Variants in RALYL observed in about 807,000 individuals in gnomAD.
RALYL encodes the protein RALY RNA binding protein like.
Under a neutral mutation model 35.1 loss-of-function variants are expected in RALYL, and 29 were observed. The observed-to-expected ratio is 0.83, with a 90% CI of 0.61 to 1.13. The LOEUF (loss-of-function observed/expected upper bound fraction) is 1.13, where lower values mean the gene tolerates loss of function less well. Ranked by LOEUF, RALYL falls within the 50% of genes most tolerant of loss-of-function variation. The probability of loss-of-function intolerance (pLI) is 0.00; values close to 1 mark genes in which losing one functional copy is unlikely to be tolerated. For synonymous variants in RALYL, 120 were observed against 127.6 expected (o/e 0.94, Z 0.40); for missense variants, 359 against 360.4 (o/e 1.00, Z 0.03).
intron 1 of RALYL, among the ~76,000 whole-genome samples, chr8:84,494,937 G>A (rs551716956): frequency 1.3e-5 from 2 of 152,202 alleles, no homozygotes; most frequent in Non-Finnish European, 2.9e-5. Flanking sequence ...ATACTATGTT[G>A]AATAGGAGTG....
intron 2 of RALYL, among the ~76,000 whole-genome samples, chr8:84,750,573 A>G (rs1369944685): frequency 6.6e-6 from 1 of 152,188 alleles, no homozygotes; most frequent in Admixed American, 6.5e-5. Flanking sequence ...ATTTGCCAGT[A>G]CTGAGAGATG....
intron 2 of RALYL, among the ~76,000 whole-genome samples, chr8:84,592,277 T>C (rs1441047336): frequency 1.3e-5 from 2 of 152,124 alleles, no homozygotes; most frequent in African/African-American, 4.8e-5. Flanking sequence ...CAGAAATATA[T>C]ACCAGGACAG....
intron 2 of RALYL, among the ~76,000 whole-genome samples, chr8:84,542,747 A>G (rs1001434142): frequency 1.3e-5 from 2 of 152,194 alleles, no homozygotes; most frequent in South Asian, 2.1e-4. Flanking sequence ...TCATAGCAGC[A>G]TGAGAATGGA....
intron 5 of RALYL, among the ~76,000 whole-genome samples, chr8:84,854,036 A>T (rs1446520503): frequency 6.6e-6 from 1 of 152,204 alleles, no homozygotes; most frequent in Non-Finnish European, 1.5e-5. Context: ...GCTAGTATTA[A>T]CAGTTAACAG....
intron 2 of RALYL, among the ~76,000 whole-genome samples, chr8:84,739,754 A>G (rs1847946613): frequency 6.6e-6 from 1 of 151,940 alleles, no homozygotes; most frequent in African/African-American, 2.4e-5. Context: ...ATAATGAAAG[A>G]TGAATTTTGA....
chr8:84,464,638 T>A (rs941988619), intron 1 of RALYL, among the ~76,000 whole-genome samples: 1 of 151,788 alleles, frequency 6.6e-6, no homozygotes, highest in African/African-American at 2.4e-5. Context: ...TGATTTATAG[T>A]CCTTTGGGTA....
At chr8:84,389,502 A>C (rs922384583) in intron 1 of RALYL, among the ~76,000 whole-genome samples, 3 of 150,818 alleles carry the variant, frequency 2.0e-5, no homozygotes, top group Admixed American at 6.6e-5. Flanking sequence ...ATTTGTTTGT[A>C]TCCTCTTTTA....
intron 2 of RALYL, among the ~76,000 whole-genome samples, chr8:84,606,352 G>A (rs1014666643): frequency 1.3e-5 from 2 of 152,058 alleles, no homozygotes; most frequent in African/African-American, 4.8e-5. Context: ...AACATGCTTT[G>A]GTCACTACTG....
At chr8:84,576,642 A>C (rs1809503916) in intron 2 of RALYL, among the ~76,000 whole-genome samples, 1 of 152,218 alleles carries the variant, frequency 6.6e-6, no homozygotes. Flanking sequence ...CTTATCCATA[A>C]GGTAATGAAA....
chr8:84,438,888 G>C (rs761671019), intron 1 of RALYL, among the ~76,000 whole-genome samples: 5 of 151,932 alleles, frequency 3.3e-5, no homozygotes, highest in African/African-American at 7.2e-5. Flanking sequence ...AGATCAGATG[G>C]CTGTAGGTGT....
chr8:84,648,397 T>C (rs1378966108), intron 2 of RALYL, among the ~76,000 whole-genome samples: 1 of 152,052 alleles, frequency 6.6e-6, no homozygotes, highest in African/African-American at 2.4e-5. Flanking sequence ...CAGTACTAAT[T>C]TGCATGTGGT....
chr8:84,217,489 A>G (rs967084666), intron 1 of RALYL, among the ~76,000 whole-genome samples: 5 of 152,110 alleles, frequency 3.3e-5, no homozygotes, highest in African/African-American at 1.2e-4. Flanking sequence ...GAAGAGGATG[A>G]CAAGTTGTGC....
intron 1 of RALYL, among the ~76,000 whole-genome samples, chr8:84,440,043 ATAT>A (rs1339321990): frequency 6.6e-6 from 1 of 152,098 alleles, no homozygotes; most frequent in Non-Finnish European, 1.5e-5. Context: ...TAATATCTCC[ATAT>A]TATTTTACAT....
intron 1 of RALYL, among the ~76,000 whole-genome samples, chr8:84,393,149 G>T (rs1861074729): frequency 6.6e-6 from 1 of 152,056 alleles, no homozygotes; most frequent in African/African-American, 2.4e-5. Flanking sequence ...TGCTTAGTTG[G>T]TATCTCTGTC....
chr8:84,463,359 A>G (rs1279318445), intron 1 of RALYL, among the ~76,000 whole-genome samples: 1 of 152,072 alleles, frequency 6.6e-6, no homozygotes, highest in Non-Finnish European at 1.5e-5. Context: ...AGCATACTGC[A>G]CTATCATATT....
chr8:84,535,299 T>G (rs1319884798), intron 2 of RALYL, among the ~76,000 whole-genome samples: 2 of 152,190 alleles, frequency 1.3e-5, no homozygotes, highest in Non-Finnish European at 2.9e-5. Context: ...TTCCAGAAAT[T>G]TATTCCATTT....
At chr8:84,391,174 G>T (rs567739328) in intron 1 of RALYL, among the ~76,000 whole-genome samples, 2 of 151,954 alleles carry the variant, frequency 1.3e-5, no homozygotes, top group African/African-American at 4.8e-5. Flanking sequence ...TTGCGTGGAC[G>T]ACTCTTTCTC....
Position 84,355,207 on chromosome 8 carries a change from G to A in RALYL, c.-24+170783G>A, listed in dbSNP as rs369695248. Among the ~76,000 whole-genome samples the A allele has an allele frequency of 1.1e-3, 167 of 150,340 alleles. 7 individuals are homozygous for A. The South Asian group carries it at 0.033, about 30-fold the overall frequency. Reference sequence around the variant, plus strand: ...TCATTCTTCCATTGTTTCTATCACTGCAAATTCAGTACTTAATCTGAGACA... The same window carrying A: ...TCATTCTTCCATTGTTTCTATCACTACAAATTCAGTACTTAATCTGAGACA... On this transcript the variant is annotated intron_variant, in intron 1 of 8. Transcript: ENST00000521268.
At chr8:84,714,476 A>G (rs543349806) in intron 2 of RALYL, among the ~76,000 whole-genome samples, 1 of 151,638 alleles carries the variant, frequency 6.6e-6, no homozygotes, top group East Asian at 1.9e-4. Flanking sequence ...CACAATATGT[A>G]CATATATGAA....
Sources: allele counts gnomAD v4.1 joint callset (sites outside exome capture counted in the v4.1 genomes callset), GRCh38; gene constraint gnomAD v4.1.1; transcripts MANE v1.5; gene names NCBI Gene and HGNC (gene_info 2026-07-23, HGNC 2026-07-21).